Variants in LYVE1 observed in about 807,000 individuals in gnomAD.
LYVE1 encodes lymphatic vessel endothelial hyaluronic acid receptor 1.
In LYVE1, 29 loss-of-function variants were observed where a neutral mutation model predicts 31.5. The observed-to-expected ratio is 0.92, with a 90% CI of 0.69 to 1.26. The LOEUF (loss-of-function observed/expected upper bound fraction) is 1.26, where lower values mean the gene tolerates loss of function less well. LYVE1 is among the 50% of genes most tolerant of loss of function. LYVE1 has a pLI of 0.00. For synonymous variants in LYVE1, 134 were observed against 139.4 expected (o/e 0.96, Z 0.27); for missense variants, 376 against 380.2 (o/e 0.99, Z 0.09).
intron 3 of LYVE1, among the ~76,000 whole-genome samples, chr11:10,563,154 C>T (rs1850466347): frequency 6.6e-6 from 1 of 151,774 alleles, no homozygotes; most frequent in South Asian, 2.1e-4. Context: ...GGGGTTTCAC[C>T]GTGTTAGGAT....
chr11:10,561,641 T>C (rs530324975), intron 3 of LYVE1, among the ~76,000 whole-genome samples: 15 of 152,330 alleles, frequency 9.8e-5, no homozygotes, highest in African/African-American at 3.4e-4. Context: ...AGGTATCTCA[T>C]TGAACAATAT....
At position 10,568,584 on chromosome 11, in the gene LYVE1, A is replaced by G; in HGVS notation, c.-52T>C. 6.3e-7 allele frequency: 1 copy of G among 1,589,436 alleles called. No individual in the cohort carries two copies. Among genetic ancestry groups the G allele is most frequent in the Non-Finnish European group, 8.6e-7 (1 of 1,166,194 alleles). On this transcript the variant is annotated 5_prime_UTR_variant, in exon 1 of 6. Transcript: ENST00000256178. ...AACACCTCAGATGGCCACTGGTGAT[A>G]TGAGAGGCAGATGCTCAATAACTAG... is the stretch of plus-strand genomic sequence containing the variant.
At chr11:10,559,944 T>C (rs961039092) in intron 4 of LYVE1, 50 bp from the exon 5 acceptor site, 1 of 1,308,154 alleles carries the variant, frequency 7.6e-7, no homozygotes, top group East Asian at 2.3e-5. Context: ...AAACATTGTG[T>C]GTAATGCTCA....
chr11:10,560,645 G>A lies in LYVE1; in HGVS notation c.553C>T (p.Pro185Ser). Residue 185 changes from proline (P) to serine (S), a missense_variant, in exon 4 of 6, where the codon CCT becomes TCT. Transcript: ENST00000256178. The part of the protein sequence containing the change: ...YSTIPAPTTT[P>S]PAPASTSIPR... ...ATAGAAGTGGAAGCTGGAGCAGGAG[G>A]AGTAGTAGTAGGGGCAGGTATTGTA... 5 of 1,614,134 alleles carry A rather than the reference G, an allele frequency of 3.1e-6. No homozygotes were observed. Among genetic ancestry groups the A allele is most frequent in the Non-Finnish European group, 4.2e-6 (5 of 1,180,010 alleles).
chr11:10,567,767 T>A lies in LYVE1; in HGVS notation c.85+681A>T, dbSNP rs920000541. On this transcript the variant is annotated intron_variant, in intron 1 of 5. Coordinates refer to ENST00000256178, the MANE Select transcript of LYVE1 (RefSeq NM_006691.4). ...TTTAGTAGACAGCCGATGGCTTAAT[T>A]TTCAAACTTATATTTTTACAGATTT... Among the ~76,000 whole-genome samples, 13 of 152,326 alleles carry A rather than the reference T, an allele frequency of 8.5e-5. No individual in the cohort carries two copies. In the Middle Eastern group the frequency reaches 0.01, roughly 120 times the overall value.
At chr11:10,565,965 C>A (rs1850529120) in intron 1 of LYVE1, among the ~76,000 whole-genome samples, 2 of 152,144 alleles carry the variant, frequency 1.3e-5, no homozygotes, top group Admixed American at 1.3e-4. Context: ...CATGTGCCAC[C>A]AAACCTGGCT....
At chr11:10,560,928 A>C in intron 3 of LYVE1, 128 bp from the exon 4 acceptor site, 1 of 720,900 alleles carries the variant, frequency 1.4e-6, no homozygotes, top group Non-Finnish European at 2.3e-6. Flanking sequence ...AGCAAATCTA[A>C]CCATATCACT....
chr11:10,559,249 C>G lies in LYVE1; in HGVS notation c.831G>C (p.Met277Ile). 3.7e-6 allele frequency: 6 copies of G among 1,614,110 alleles called. No homozygotes were observed. Among genetic ancestry groups the G allele is most frequent in the Non-Finnish European group, 5.1e-6 (6 of 1,180,000 alleles). The part of the protein sequence containing the change: ...PFTNKNQQKE[M>I]IETKVVKEEK... Reference sequence around the variant, plus strand: ...CCTCCTTTACTACTTTGGTTTCGATCATTTCCTTCTGCTGATTCTTGTTTG... The same window carrying G: ...CCTCCTTTACTACTTTGGTTTCGATGATTTCCTTCTGCTGATTCTTGTTTG... The change falls in exon 6 of 6, where the codon ATG becomes ATC. Residue 277 changes from methionine to isoleucine, a missense_variant. Met to Ile is a conservative substitution (Grantham distance 10). Transcript: ENST00000256178.
In LYVE1 at chr11:10,564,005, A is replaced by AC; in HGVS notation, c.331dup (p.Val111GlyfsTer23). On this transcript the variant is annotated frameshift_variant, in exon 3 of 6. Transcript: ENST00000256178. LOFTEE classifies it high-confidence loss of function. ...TGGAACCTTCCAAATCAGGACACCC[A>AC]CCCCATTTTTCCCACACTTGGGGTT... 6.2e-7 allele frequency: 1 copy of AC among 1,614,058 alleles called. No individual in the cohort carries two copies. The highest frequency in any genetic ancestry group is 1.1e-5 in the South Asian group (1 of 91,080).
intron 5 of LYVE1, 23 bp downstream of exon 5, chr11:10,559,793 T>A: frequency 6.2e-7 from 1 of 1,605,350 alleles, no homozygotes; most frequent in Non-Finnish European, 8.5e-7. Context: ...ATTACAAGAC[T>A]AGCAGTGCAC....
intron 4 of LYVE1, among the ~76,000 whole-genome samples, 195 bp downstream of exon 4, chr11:10,560,300 C>A (rs575172326): frequency 6.6e-6 from 1 of 152,306 alleles, no homozygotes; most frequent in African/African-American, 2.4e-5. Flanking sequence ...TTTATACTTA[C>A]ACTTTTTAGC....
chr11:10,559,354 C>A, intron 5 of LYVE1, 57 bp from the exon 6 acceptor site: 1 of 1,448,052 alleles, frequency 6.9e-7, no homozygotes, highest in Non-Finnish European at 9.6e-7. Flanking sequence ...CGATAGATAA[C>A]ACTTTTTGGC....
In LYVE1 at chr11:10,559,215, T is replaced by G; in HGVS notation, c.865A>C (p.Asn289His). ...GATTCCTCATTAGGGTTGCTATCAT[T>G]GGCCTTCTCCTCCTTTACTACTTTG... Reference protein sequence around the residue: ...ETKVVKEEKANDSNPNEESKK... With the variant: ...ETKVVKEEKAHDSNPNEESKK... Residue 289 changes from asparagine to histidine, a missense_variant, in exon 6 of 6, where the codon AAT (asparagine) becomes CAT (histidine). Physicochemically the swap from Asn to His is moderately conservative, Grantham distance 68. Coordinates refer to ENST00000256178, the MANE Select transcript of LYVE1 (RefSeq NM_006691.4). The G allele has an allele frequency of 6.2e-7, 1 of 1,614,162 alleles. No individual in the cohort carries two copies. Among genetic ancestry groups the G allele is most frequent in the Non-Finnish European group, 8.5e-7 (1 of 1,179,982 alleles).
chr11:10,558,032 T>G lies in LYVE1; in HGVS notation c.*1079A>C, dbSNP rs1254106052. 1 of 152,156 alleles carries G rather than the reference T, an allele frequency of 6.6e-6. No individual in the cohort carries two copies. Among genetic ancestry groups the G allele is most frequent in the African/African-American group, 2.4e-5 (1 of 41,426 alleles). 9.4% of individuals were successfully genotyped at this position (152,156 alleles called of 1,614,324 possible). A position where few individuals can be genotyped will look rare whatever the true frequency, so the allele number is the denominator to read the frequency against. On this transcript the variant is annotated 3_prime_UTR_variant, in exon 6 of 6. Coordinates refer to ENST00000256178, the MANE Select transcript of LYVE1 (RefSeq NM_006691.4). ...CTTCTTAGGTATGTTAATAATAAATTAAGGTTATAATGGTTGCCATATTAG... is the reference window on the plus strand; with the variant it reads ...CTTCTTAGGTATGTTAATAATAAATGAAGGTTATAATGGTTGCCATATTAG...
At chr11:10,561,968 A>T (rs1850435138) in intron 3 of LYVE1, among the ~76,000 whole-genome samples, 1 of 152,188 alleles carries the variant, frequency 6.6e-6, no homozygotes, top group Non-Finnish European at 1.5e-5. Flanking sequence ...TTAAAGTATA[A>T]TAAAAATAAA....
At position 10,568,470 on chromosome 11, in the gene LYVE1, G is replaced by A. The variant is rs781223321; in HGVS notation, c.63C>T (p.Val21=). ...LTSIWTTRLL[V]QGSLRAEELS... is the part of the protein sequence containing the mutation. ...TACCTTCTGCACGCAAAGAGCCTTG[G>A]ACCAGGAGCCTCGTGGTCCAGATGG... The change falls in exon 1 of 6, where the codon GTC becomes GTT. Residue 21 remains valine (V), a synonymous_variant. Transcript: ENST00000256178. 11 of 1,613,886 alleles carry A rather than the reference G, an allele frequency of 6.8e-6. No homozygotes were observed. Among genetic ancestry groups the A allele is most frequent in the Non-Finnish European group, 9.3e-6 (11 of 1,179,932 alleles).
At chr11:10,565,311 A>C (rs537899195) in intron 1 of LYVE1, among the ~76,000 whole-genome samples, 5 of 152,338 alleles carry the variant, frequency 3.3e-5, no homozygotes, top group Admixed American at 3.3e-4. Context: ...ATTTCTACTC[A>C]AAATCTAATG....
At position 10,557,980 on chromosome 11, in the gene LYVE1, G is replaced by A. The variant is rs925525652; in HGVS notation, c.*1131C>T. Reference sequence around the variant, plus strand: ...TTTGTTAATGGCACTTTTAAAATGTGCTTTGGTATATAGAGGTAACAATGT... The same window carrying A: ...TTTGTTAATGGCACTTTTAAAATGTACTTTGGTATATAGAGGTAACAATGT... On this transcript the variant is annotated 3_prime_UTR_variant, in exon 6 of 6. Transcript: ENST00000256178. 5 of 152,194 alleles carry A rather than the reference G, an allele frequency of 3.3e-5. No individual in the cohort carries two copies. Among genetic ancestry groups the A allele is most frequent in the African/African-American group, 1.2e-4 (5 of 41,444 alleles). The allele number at this position is 152,194 out of a possible 1,614,324, so 9.4% of individuals were successfully genotyped here. A position where few individuals can be genotyped will look rare whatever the true frequency, so the allele number is the denominator to read the frequency against.
intron 2 of LYVE1, 37 bp downstream of exon 2, chr11:10,564,166 A>G: frequency 6.2e-7 from 1 of 1,614,064 alleles, no homozygotes; most frequent in Non-Finnish European, 8.5e-7. Context: ...GCTAAAAAAG[A>G]ACTCCAGCAG....
Sources: gnomAD v4.1 joint callset for allele counts (sites outside exome capture counted in the v4.1 genomes callset) on GRCh38, gnomAD v4.1.1 for gene constraint, MANE v1.5 for transcripts, NCBI Gene and HGNC (gene_info 2026-07-23, HGNC 2026-07-21) for gene names.